Variants in RAD51B observed in about 807,000 individuals in gnomAD.
The protein encoded by RAD51B is RAD51 paralog B.
In RAD51B, 38 loss-of-function variants were observed where a neutral mutation model predicts 42.2. That is an observed-to-expected ratio of 0.90 (90% CI 0.70 to 1.18). The LOEUF is 1.18. RAD51B is among the 50% of genes most tolerant of loss of function. RAD51B has a pLI of 0.00. For missense variants in RAD51B, 373 were observed against 400.7 expected, an observed-to-expected ratio of 0.93 and a Z score of 0.59; for synonymous variants, 154 against 145.2, an observed-to-expected ratio of 1.06 and a Z score of -0.43.
intron 7 of RAD51B, among the ~76,000 whole-genome samples, chr14:67,999,066 G>C (rs755636831): frequency 6.6e-6 from 1 of 151,808 alleles, no homozygotes; most frequent in Non-Finnish European, 1.5e-5. Flanking sequence ...ATCATTCCTT[G>C]TGGTGCATTC....
At chr14:68,456,938 A>T (rs1182022038) in intron 9 of RAD51B, among the ~76,000 whole-genome samples, 1 of 97,714 alleles carries the variant, frequency 1.0e-5, no homozygotes, top group Non-Finnish European at 1.9e-5. Flanking sequence ...TTTGAGACAG[A>T]GTCTCACTCT....
chr14:67,963,501 T>TA lies in RAD51B; in HGVS notation c.756+76298dup, dbSNP rs2074710594. Among the ~76,000 whole-genome samples, 3 of 152,254 alleles carry TA rather than the reference T, an allele frequency of 2.0e-5. No individual in the cohort carries two copies. The South Asian group carries it at 6.2e-4, about 32-fold the overall frequency. On this transcript the variant is annotated intron_variant, in intron 7 of 10. Coordinates refer to ENST00000471583, the MANE Select transcript of RAD51B (RefSeq NM_133510.4). Reference sequence around the variant, plus strand: ...TTGCTCTGAAAAATGAATAAATACTTACGCAGTTTTATAGCCTCATTTCTT... The same window carrying TA: ...TTGCTCTGAAAAATGAATAAATACTTAACGCAGTTTTATAGCCTCATTTCTT...
intron 4 of RAD51B, among the ~76,000 whole-genome samples, chr14:67,856,622 T>C (rs1354877287): frequency 6.6e-6 from 1 of 152,184 alleles, no homozygotes; most frequent in African/African-American, 2.4e-5. Context: ...CCCTGTCCAG[T>C]TGCCCTCATC....
intron 10 of RAD51B, among the ~76,000 whole-genome samples, chr14:68,506,663 C>T (rs1254107229): frequency 6.6e-6 from 1 of 152,186 alleles, no homozygotes; most frequent in African/African-American, 2.4e-5. Context: ...GGGGCAGCAC[C>T]AGCACACCTA....
chr14:68,352,750 G>C (rs1342282003), intron 8 of RAD51B, among the ~76,000 whole-genome samples: 1 of 152,198 alleles, frequency 6.6e-6, no homozygotes, highest in East Asian at 1.9e-4. Context: ...AGCTCCAGGG[G>C]TTTCTGGGAC....
intron 10 of RAD51B, among the ~76,000 whole-genome samples, chr14:68,591,854 C>A (rs1890756408): frequency 6.6e-6 from 1 of 152,108 alleles, no homozygotes; most frequent in Admixed American, 6.5e-5. Flanking sequence ...GGCCGGCCAC[C>A]TGGATGGGCC....
intron 4 of RAD51B, among the ~76,000 whole-genome samples, chr14:67,859,200 A>G (rs2042087533): frequency 6.6e-6 from 1 of 152,230 alleles, no homozygotes; most frequent in Non-Finnish European, 1.5e-5. Context: ...TATTTTCAAC[A>G]TACTGGGATG....
chr14:68,577,199 A>C (rs1251233590), intron 10 of RAD51B, among the ~76,000 whole-genome samples: 4 of 152,204 alleles, frequency 2.6e-5, no homozygotes, highest in Non-Finnish European at 4.4e-5. Context: ...ACTGTAACTC[A>C]AAAGGAGACA....
At chr14:68,359,500 G>A (rs1475771165) in intron 8 of RAD51B, among the ~76,000 whole-genome samples, 5 of 152,132 alleles carry the variant, frequency 3.3e-5, no homozygotes, top group Non-Finnish European at 5.9e-5. Context: ...TTCTTGCTTC[G>A]AGGTAGTGAG....
intron 9 of RAD51B, among the ~76,000 whole-genome samples, chr14:68,452,998 T>C (rs1011918481): frequency 6.6e-6 from 1 of 152,198 alleles, no homozygotes; most frequent in Non-Finnish European, 1.5e-5. Flanking sequence ...GCTAAAAAAT[T>C]GTATTGAGTA....
intron 7 of RAD51B, among the ~76,000 whole-genome samples, chr14:68,021,906 C>G (rs539797232): frequency 1.1e-4 from 16 of 152,260 alleles, no homozygotes; most frequent in African/African-American, 3.9e-4. Flanking sequence ...GAGGGTCTTG[C>G]CTTGATGTTG....
At chr14:68,307,277 T>G (rs1201117574) in intron 8 of RAD51B, among the ~76,000 whole-genome samples, 2 of 152,174 alleles carry the variant, frequency 1.3e-5, no homozygotes, top group African/African-American at 2.4e-5. Context: ...GAATGATATA[T>G]TTCTTAAAAC....
At chr14:68,126,585 A>G (rs1180171122) in intron 7 of RAD51B, among the ~76,000 whole-genome samples, 4 of 152,318 alleles carry the variant, frequency 2.6e-5, no homozygotes, top group African/African-American at 4.8e-5. Context: ...GAGACTGTGC[A>G]GTGACTTACT....
At chr14:68,060,365 T>C (rs947838969) in intron 7 of RAD51B, among the ~76,000 whole-genome samples, 1 of 152,192 alleles carries the variant, frequency 6.6e-6, no homozygotes, top group Non-Finnish European at 1.5e-5. Context: ...ACAGGAAAGA[T>C]AGATTGCTAG....
In RAD51B at chr14:68,291,633, A is replaced by C. The variant is rs978527411; in HGVS notation, c.757-251A>C. The stretch of plus-strand genomic sequence containing the variant: ...TACTCAGCATTTAGAATGAATTGAT[A>C]GAGGTTTTACTCTGAAAAAAGTCAG... On this transcript the variant is annotated intron_variant, in intron 7 of 10. Coordinates refer to ENST00000471583, the MANE Select transcript of RAD51B (RefSeq NM_133510.4). Among the ~76,000 whole-genome samples, 13 of 152,358 alleles carry C rather than the reference A, an allele frequency of 8.5e-5. No individual in the cohort carries two copies. The East Asian group carries it at 2.3e-3, about 27-fold the overall frequency.
chr14:67,894,941 AT>A (rs770871932), intron 7 of RAD51B, among the ~76,000 whole-genome samples: 1 of 151,984 alleles, frequency 6.6e-6, no homozygotes, highest in Non-Finnish European at 1.5e-5. Flanking sequence ...TGCCTAGCTA[AT>A]TTTTTTGATT....
chr14:68,367,565 G>T (rs2083168205), intron 8 of RAD51B, among the ~76,000 whole-genome samples: 1 of 152,212 alleles, frequency 6.6e-6, no homozygotes, highest in African/African-American at 2.4e-5. Flanking sequence ...CATGTGGGAA[G>T]GGAGCCATTA....
chr14:68,199,949 G>A (rs540039853), intron 7 of RAD51B, among the ~76,000 whole-genome samples: 38 of 152,286 alleles, frequency 2.5e-4, no homozygotes, highest in South Asian at 1.0e-3. Context: ...CCCCACAGTC[G>A]AGCTCTGGAA....
chr14:67,825,453 T>C lies in RAD51B; in HGVS notation c.85-11T>C, dbSNP rs1290335746. 6.4e-7 allele frequency: 1 copy of C among 1,571,898 alleles called. No homozygotes were observed. Among genetic ancestry groups the C allele is most frequent in the East Asian group, 2.2e-5 (1 of 44,586 alleles). On this transcript the variant is annotated splice_polypyrimidine_tract_variant and intron_variant, in intron 2 of 10. Coordinates refer to ENST00000471583, the MANE Select transcript of RAD51B (RefSeq NM_133510.4). ...ATATATGTTTAAAATACTCTCTTTA[T>C]GTTTCTTTAGGACTTTTTATGTCTT... is the stretch of plus-strand genomic sequence containing the variant.
Sources: allele counts gnomAD v4.1 joint callset (sites outside exome capture counted in the v4.1 genomes callset), GRCh38; gene constraint gnomAD v4.1.1; transcripts MANE v1.5; gene names NCBI Gene and HGNC (gene_info 2026-07-23, HGNC 2026-07-21).